The following SEC24D variants were observed in gnomAD, a reference collection of about 807,000 sequenced individuals.
The protein encoded by SEC24D is SEC24 homolog D, COPII component, also known as protein transport protein Sec24D.
A neutral mutation model predicts 116.9 loss-of-function variants in SEC24D; 69 were observed. The ratio of observed to expected loss-of-function variants is 0.59; its 90% confidence interval spans 0.49 to 0.72. The LOEUF (loss-of-function observed/expected upper bound fraction) is 0.72. SEC24D is among the 30% of genes least tolerant of loss of function. The probability of loss-of-function intolerance (pLI) is 0.00; values close to 1 mark genes in which losing one functional copy is unlikely to be tolerated. For missense variants in SEC24D, 1,131 were observed against 1,264.1 expected (o/e 0.89, Z 1.60); for synonymous variants, 405 against 442.8 (o/e 0.91, Z 1.07).
intron 3 of SEC24D, among the ~76,000 whole-genome samples, chr4:118,820,266 C>T (rs145310112): frequency 0.043 from 6,579 of 151,388 alleles, 200 homozygotes; most frequent in Non-Finnish European, 0.064. Flanking sequence ...CTGCAACCTC[C>T]ACCTCCCAGG....
In SEC24D at chr4:118,752,690, T is replaced by G. The variant is rs1486916226; in HGVS notation, c.1613+7A>C. The G allele has an allele frequency of 6.3e-7, 1 of 1,581,036 alleles. No homozygotes were observed. The highest frequency in any genetic ancestry group is 8.6e-7 in the Non-Finnish European group (1 of 1,161,798). ...TACTTTTAAATTATAAAACACTTGA[T>G]ATTTACTTATGAATCACAGATTGGG... On this transcript the variant is annotated splice_region_variant and intron_variant, in intron 12 of 22. Transcript: ENST00000280551.
At chr4:118,733,560 G>T (rs1725806542) in intron 19 of SEC24D, among the ~76,000 whole-genome samples, 1 of 152,082 alleles carries the variant, frequency 6.6e-6, no homozygotes, top group South Asian at 2.1e-4. Flanking sequence ...ATATAAAAAG[G>T]AATAAGGCAT....
rs531637844 is a variant in SEC24D, at chr4:118,777,701, G to C, written c.1042-9390C>G. Reference sequence around the variant, plus strand: ...GAATCATCACACTGTCTTCCACAATGGTTGAACTAGTTTACACTCCCACCA... The same window carrying C: ...GAATCATCACACTGTCTTCCACAATCGTTGAACTAGTTTACACTCCCACCA... On this transcript the variant is annotated intron_variant, in intron 8 of 22. Transcript: ENST00000280551. Among the ~76,000 whole-genome samples the C allele has an allele frequency of 1.1e-4, 17 of 152,290 alleles. No homozygotes were observed. In the East Asian group the frequency reaches 3.1e-3, roughly 28 times the overall value.
chr4:118,821,051 T>C (rs1369060546), intron 3 of SEC24D, among the ~76,000 whole-genome samples: 1 of 151,800 alleles, frequency 6.6e-6, no homozygotes, highest in East Asian at 1.9e-4. Context: ...GAAGTTTGTA[T>C]GCGGAATTAA....
chr4:118,827,485 G>A (rs775219535), intron 2 of SEC24D, among the ~76,000 whole-genome samples: 2 of 152,158 alleles, frequency 1.3e-5, no homozygotes, highest in South Asian at 4.2e-4. Context: ...CTCACACAGC[G>A]GCAGATACCA....
intron 8 of SEC24D, among the ~76,000 whole-genome samples, chr4:118,791,531 T>G (rs1419914405): frequency 2.6e-5 from 4 of 152,142 alleles, no homozygotes; most frequent in Admixed American, 1.3e-4. Flanking sequence ...CCCTACTCCC[T>G]CCTCCCTCCT....
At chr4:118,779,043 T>C (rs1208982993) in intron 8 of SEC24D, among the ~76,000 whole-genome samples, 6 of 152,346 alleles carry the variant, frequency 3.9e-5, no homozygotes, top group African/African-American at 1.4e-4. Context: ...TCATGTCATC[T>C]GCAAACAGGG....
intron 15 of SEC24D, among the ~76,000 whole-genome samples, chr4:118,742,598 A>C (rs903830613): frequency 5.3e-5 from 8 of 152,170 alleles, no homozygotes; most frequent in Non-Finnish European, 1.0e-4. Flanking sequence ...TTTCAATTTT[A>C]TTTCATTTAC....
chr4:118,806,721 T>G (rs1729694453), intron 6 of SEC24D, among the ~76,000 whole-genome samples: 1 of 152,050 alleles, frequency 6.6e-6, no homozygotes, highest in African/African-American at 2.4e-5. Flanking sequence ...CAATGGCTCA[T>G]GTCTGTAATC....
chr4:118,790,566 A>T (rs181128802), intron 8 of SEC24D, among the ~76,000 whole-genome samples: 7 of 152,240 alleles, frequency 4.6e-5, no homozygotes, highest in African/African-American at 1.7e-4. Context: ...GGCTGTGGGG[A>T]TGGGTTTCAC....
At chr4:118,830,603 T>TTATA (rs56318939) in intron 2 of SEC24D, among the ~76,000 whole-genome samples, 1 of 151,730 alleles carries the variant, frequency 6.6e-6, no homozygotes, top group Non-Finnish European at 1.5e-5. Flanking sequence ...ATGTTGTACA[T>TTATA]TATATATATA....
chr4:118,795,318 C>T (rs760966385), intron 8 of SEC24D, among the ~76,000 whole-genome samples: 32 of 151,566 alleles, frequency 2.1e-4, no homozygotes, highest in African/African-American at 7.8e-4. Context: ...AAGCAATTCT[C>T]CTGCCTCAGC....
chr4:118,782,822 C>T (rs866541521), intron 8 of SEC24D, among the ~76,000 whole-genome samples: 8 of 152,204 alleles, frequency 5.3e-5, no homozygotes, highest in African/African-American at 1.9e-4. Flanking sequence ...ACAACCCTCC[C>T]CCCTGCCAGG....
At chr4:118,793,157 C>CAA (rs2110500771) in intron 8 of SEC24D, among the ~76,000 whole-genome samples, 1 of 152,138 alleles carries the variant, frequency 6.6e-6, no homozygotes, top group Admixed American at 6.5e-5. Context: ...TCATGGAAGC[C>CAA]AAAAGAGGAG....
chr4:118,740,854 T>G, intron 16 of SEC24D, 46 bp from the exon 17 acceptor site: 3 of 1,606,724 alleles, frequency 1.9e-6, no homozygotes, highest in Non-Finnish European at 2.6e-6. Flanking sequence ...TTTATTCTAC[T>G]GTTATTTTCT....
At chr4:118,768,837 T>C (rs1727765931) in intron 8 of SEC24D, among the ~76,000 whole-genome samples, 2 of 152,244 alleles carry the variant, frequency 1.3e-5, no homozygotes, top group African/African-American at 4.8e-5. Context: ...CTTATAAGGA[T>C]ATATCAATAT....
At chr4:118,743,647 G>A (rs1048406297) in intron 15 of SEC24D, among the ~76,000 whole-genome samples, 1 of 152,118 alleles carries the variant, frequency 6.6e-6, no homozygotes, top group African/African-American at 2.4e-5. Context: ...TACAGGCATT[G>A]GGCCACTGTG....
intron 22 of SEC24D, among the ~76,000 whole-genome samples, chr4:118,726,766 G>T (rs1220488859): frequency 6.6e-6 from 1 of 151,544 alleles, no homozygotes; most frequent in African/African-American, 2.5e-5. Context: ...TAGATATACT[G>T]TGGTAGAAAT....
At chr4:118,751,944 C>A in intron 13 of SEC24D, 52 bp downstream of exon 13, 1 of 1,214,074 alleles carries the variant, frequency 8.2e-7, no homozygotes, top group Admixed American at 1.9e-5. Context: ...TATTTTTTGT[C>A]TCTCTGTTTT....
Sources: gnomAD v4.1 joint callset for allele counts (sites outside exome capture counted in the v4.1 genomes callset) on GRCh38, gnomAD v4.1.1 for gene constraint, MANE v1.5 for transcripts, NCBI Gene and HGNC (gene_info 2026-07-23, HGNC 2026-07-21) for gene names.